TMEM35A: variants seen among roughly 807,000 people sequenced by gnomAD.
TMEM35A encodes the protein nicotinic acetylcholine receptor chaperone.
For missense variants in TMEM35A, 83 were observed against 132.7 expected, an observed-to-expected ratio of 0.63 and a Z score of 1.84; for synonymous variants, 50 against 54.7, an observed-to-expected ratio of 0.91 and a Z score of 0.38.
chrX:101,095,310 T>C lies in TMEM35A; in HGVS notation c.*354T>C, dbSNP rs763210729. 1.8e-4 allele frequency: 20 copies of C among 109,632 alleles called. No individual in the cohort carries two copies. The highest frequency in any genetic ancestry group is 1.1e-3 in the East Asian group (4 of 3,559). 9.0% of individuals were successfully genotyped at this position (109,632 alleles called of 1,213,427 possible). ...CTCTGTGTGTGTGTGTGTGTGTGTG[T>C]GCGCGCGCGCGCGCACGCGCACACA... On this transcript the variant is annotated 3_prime_UTR_variant, in exon 2 of 2. Transcript: ENST00000372930.
intron 1 of TMEM35A, among the ~76,000 whole-genome samples, chrX:101,085,117 C>T (rs1295515323): frequency 1.8e-5 from 2 of 111,363 alleles, no homozygotes; most frequent in Non-Finnish European, 3.8e-5. Flanking sequence ...CTGAAGTGGA[C>T]ACTATTTGCC....
At chrX:101,079,243 C>T (rs1455965334) in intron 1 of TMEM35A, 121 bp downstream of exon 1, 2 of 872,312 alleles carry the variant, frequency 2.3e-6, no homozygotes, top group East Asian at 3.5e-5. Flanking sequence ...CTGGACCCTC[C>T]GTTCTCAACA....
intron 1 of TMEM35A, among the ~76,000 whole-genome samples, chrX:101,088,429 T>C (rs1232865735): frequency 9.1e-6 from 1 of 109,681 alleles, no homozygotes; most frequent in Non-Finnish European, 1.9e-5. Flanking sequence ...CTAGGCAACA[T>C]AGTGAGACCC....
At chrX:101,083,502 A>ATG (rs777065844) in intron 1 of TMEM35A, among the ~76,000 whole-genome samples, 58 of 111,914 alleles carry the variant, frequency 5.2e-4, no homozygotes, top group Non-Finnish European at 9.8e-4. Flanking sequence ...TTATTTGTTT[A>ATG]TGTGTAGTTA....
rs1291539730 is a variant in TMEM35A at position 101,078,910 on chromosome X, T to TC, written c.-87dup. 5 of 1,108,320 alleles carry TC rather than the reference T, an allele frequency of 4.5e-6. No individual in the cohort carries two copies. The African/African-American group carries it at 5.5e-5, about 12-fold the overall frequency. 91.3% of individuals were successfully genotyped at this position (1,108,320 alleles called of 1,213,427 possible). On this transcript the variant is annotated 5_prime_UTR_variant, in exon 1 of 2. Coordinates refer to ENST00000372930, the MANE Select transcript of TMEM35A (RefSeq NM_021637.3). ...CTAGCTGCCTGCTGCCTCCGCAGCG[T>TC]CCCCCCAGCTCTCCCTGTGCTAACT... is the stretch of plus-strand genomic sequence containing the variant.
At chrX:101,084,354 G>T (rs770389314) in intron 1 of TMEM35A, among the ~76,000 whole-genome samples, 1 of 111,376 alleles carries the variant, frequency 9.0e-6, no homozygotes, top group South Asian at 3.7e-4. Flanking sequence ...AGTACATTTT[G>T]CAGCACTTAT....
At chrX:101,079,257 T>C in intron 1 of TMEM35A, 135 bp downstream of exon 1, 4 of 799,082 alleles carry the variant, frequency 5.0e-6, no homozygotes, top group Admixed American at 3.3e-5. Flanking sequence ...CTCAACAACT[T>C]TGCAGCTCGG....
intron 1 of TMEM35A, among the ~76,000 whole-genome samples, chrX:101,084,431 C>T (rs1439132615): frequency 1.6e-5 from 1 of 62,809 alleles, no homozygotes; most frequent in Non-Finnish European, 2.8e-5. Flanking sequence ...TTTATCAGTG[C>T]TTTCTTCTGC....
intron 1 of TMEM35A, among the ~76,000 whole-genome samples, chrX:101,084,740 C>A (rs1356286798): frequency 3.6e-5 from 4 of 110,779 alleles, no homozygotes; most frequent in Non-Finnish European, 7.5e-5. Flanking sequence ...TGGTGGGTAC[C>A]TGTAATCCCA....
chrX:101,092,085 G>A (rs1169868868), intron 1 of TMEM35A, among the ~76,000 whole-genome samples: 1 of 111,091 alleles, frequency 9.0e-6, no homozygotes, highest in Non-Finnish European at 1.9e-5. Context: ...GCTTCAGGAA[G>A]ACAGGACCTT....
At position 101,095,287 on chromosome X, in the gene TMEM35A, CTGTGTG is replaced by C. The variant is rs763405322; in HGVS notation, c.*350_*355del. 1.4e-5 allele frequency: 2 copies of C among 142,553 alleles called. No homozygotes were observed. Among genetic ancestry groups the C allele is most frequent in the African/African-American group, 8.2e-5 (2 of 24,244 alleles). 11.7% of individuals were successfully genotyped at this position (142,553 alleles called of 1,213,427 possible). A position where few individuals can be genotyped will look rare whatever the true frequency, so the allele number is the denominator to read the frequency against. ...GTGTGGGAAAATGTATTTAACTACT[CTGTGTG>C]TGTGTGTGTGTGTGTGTGCGCGCGC... On this transcript the variant is annotated 3_prime_UTR_variant, in exon 2 of 2. Transcript: ENST00000372930.
At chrX:101,093,603 T>A (rs7877060) in intron 1 of TMEM35A, among the ~76,000 whole-genome samples, 2,866 of 111,599 alleles carry the variant, frequency 0.026, 113 homozygotes, top group African/African-American at 0.088. Flanking sequence ...CGTGAGCCAC[T>A]GCACCCGGCT....
intron 1 of TMEM35A, among the ~76,000 whole-genome samples, chrX:101,080,310 G>A (rs899038855): frequency 3.6e-5 from 4 of 111,654 alleles, no homozygotes; most frequent in African/African-American, 1.3e-4. Flanking sequence ...GCCCCTTAAC[G>A]TGAGCTGCAA....
chrX:101,087,769 C>T (rs995848596), intron 1 of TMEM35A, among the ~76,000 whole-genome samples: 3 of 111,749 alleles, frequency 2.7e-5, no homozygotes, highest in African/African-American at 9.7e-5. Context: ...AGAAACTCAT[C>T]CTGGGCTGGG....
chrX:101,086,277 C>T (rs1182316519), intron 1 of TMEM35A, among the ~76,000 whole-genome samples: 6 of 111,544 alleles, frequency 5.4e-5, no homozygotes, highest in Non-Finnish European at 9.4e-5. Flanking sequence ...TGTGCCACCA[C>T]GCTTGGCTAA....
chrX:101,082,133 CTTTTTTTTTT>C, intron 1 of TMEM35A, among the ~76,000 whole-genome samples: 2 of 20,482 alleles, frequency 9.8e-5, no homozygotes, highest in East Asian at 2.0e-3. Flanking sequence ...TTCTTTCTTT[CTTTTTTTTTT>C]TTTTTTTTTT....
intron 1 of TMEM35A, among the ~76,000 whole-genome samples, chrX:101,084,188 CAAAAAAAAAAAAA>C (rs746718674): frequency 5.9e-4 from 19 of 32,307 alleles, no homozygotes; most frequent in Non-Finnish European, 9.7e-4. Context: ...AACTCCATCT[CAAAAAAAAAAAAA>C]AAAAAAAAAA....
chrX:101,081,022 C>T (rs182350492), intron 1 of TMEM35A, among the ~76,000 whole-genome samples: 210 of 111,480 alleles, frequency 1.9e-3, no homozygotes, highest in African/African-American at 6.6e-3. Context: ...ATGTTTCTTC[C>T]TAGAAATGGA....
chrX:101,090,576 T>G (rs1450386280), intron 1 of TMEM35A, among the ~76,000 whole-genome samples: 1 of 110,166 alleles, frequency 9.1e-6, no homozygotes, highest in Non-Finnish European at 1.9e-5. Context: ...AGACTTCTCT[T>G]ACTGAGCTGC....
Sources: gnomAD v4.1 joint callset for allele counts (sites outside exome capture counted in the v4.1 genomes callset) on GRCh38, gnomAD v4.1.1 for gene constraint, MANE v1.5 for transcripts, NCBI Gene and HGNC (gene_info 2026-07-23, HGNC 2026-07-21) for gene names.